The following KIFAP3 variants were observed in gnomAD, a reference collection of about 807,000 sequenced individuals.
KIFAP3 encodes the protein kinesin associated protein 3, also known as kinesin-associated protein 3.
A neutral mutation model predicts 106.5 loss-of-function variants in KIFAP3; 68 were observed. The ratio of observed to expected loss-of-function variants is 0.64; its 90% confidence interval spans 0.53 to 0.78. The LOEUF (loss-of-function observed/expected upper bound fraction) is 0.78, where lower values mean the gene tolerates loss of function less well. KIFAP3 is among the 30% of genes least tolerant of loss of function. The probability of loss-of-function intolerance (pLI) is 0.00; values close to 1 mark genes in which losing one functional copy is unlikely to be tolerated. For missense variants in KIFAP3, 780 were observed against 941.8 expected, an observed-to-expected ratio of 0.83 and a Z score of 2.25; for synonymous variants, 320 against 311.5, an observed-to-expected ratio of 1.03 and a Z score of -0.29.
chr1:170,049,269 C>G (rs1200238580), intron 2 of KIFAP3, among the ~76,000 whole-genome samples: 2 of 152,212 alleles, frequency 1.3e-5, no homozygotes, highest in East Asian at 1.9e-4. Context: ...GACTGCTTCT[C>G]TATATGCCTC....
At chr1:170,049,560 G>T (rs745322544) in intron 2 of KIFAP3, among the ~76,000 whole-genome samples, 47 of 152,318 alleles carry the variant, frequency 3.1e-4, no homozygotes, top group Admixed American at 5.9e-4. Flanking sequence ...CCCAACAGGG[G>T]TTGATAGACA....
At chr1:169,961,952 T>G (rs915373105) in intron 17 of KIFAP3, among the ~76,000 whole-genome samples, 3 of 152,150 alleles carry the variant, frequency 2.0e-5, no homozygotes, top group African/African-American at 7.2e-5. Flanking sequence ...TTTTCAACTG[T>G]GTAGGGGGAT....
At chr1:169,973,760 G>GA (rs1666068962) in intron 16 of KIFAP3, among the ~76,000 whole-genome samples, 1 of 151,568 alleles carries the variant, frequency 6.6e-6, no homozygotes, top group South Asian at 2.1e-4. Flanking sequence ...TTATTAAAGA[G>GA]AAAAAATAGT....
chr1:169,965,341 T>C (rs1197490364), intron 17 of KIFAP3, among the ~76,000 whole-genome samples: 2 of 150,654 alleles, frequency 1.3e-5, no homozygotes, highest in Non-Finnish European at 3.0e-5. Flanking sequence ...GATCTGATGA[T>C]TTCATTGTAA....
At position 170,031,882 on chromosome 1, in the gene KIFAP3, A is replaced by T. The variant is rs775416244; in HGVS notation, c.841+4T>A. ...TGCTTTCCTCATTGCTTAGGAATTC[A>T]TACCTCGTAATAGCTGTTCCTGTTT... On this transcript the variant is annotated splice_donor_region_variant and intron_variant, in intron 8 of 19. Transcript: ENST00000361580. 32 of 1,580,756 alleles carry T rather than the reference A, an allele frequency of 2.0e-5. No individual in the cohort carries two copies. The highest frequency in any genetic ancestry group is 1.7e-4 in the Middle Eastern group (1 of 6,008).
intron 3 of KIFAP3, among the ~76,000 whole-genome samples, chr1:170,042,435 G>A (rs1485373354): frequency 6.6e-6 from 1 of 152,124 alleles, no homozygotes; most frequent in African/African-American, 2.4e-5. Context: ...TGAGCAAAAG[G>A]TAAAAAATCA....
At chr1:169,934,397 C>A (rs573267139) in intron 19 of KIFAP3, among the ~76,000 whole-genome samples, 4 of 152,214 alleles carry the variant, frequency 2.6e-5, no homozygotes, top group African/African-American at 7.2e-5. Flanking sequence ...AGGGATGAAA[C>A]TTACTGACAG....
intron 1 of KIFAP3, among the ~76,000 whole-genome samples, chr1:170,063,700 T>C (rs943108483): frequency 6.6e-6 from 1 of 152,186 alleles, no homozygotes; most frequent in African/African-American, 2.4e-5. Context: ...TTTTATTCAG[T>C]TGGTTTACTG....
chr1:169,945,064 A>G (rs1464464634), intron 19 of KIFAP3, among the ~76,000 whole-genome samples: 2 of 151,966 alleles, frequency 1.3e-5, no homozygotes, highest in African/African-American at 4.8e-5. Context: ...AGCCCATACT[A>G]AGCCACCTTC....
chr1:170,041,973 G>T, intron 3 of KIFAP3: 1 of 715,826 alleles, frequency 1.4e-6, no homozygotes, highest in Non-Finnish European at 2.0e-6. Context: ...ACTTATCAGG[G>T]TCTCATGTCT....
At chr1:169,959,870 C>G (rs989335637) in intron 18 of KIFAP3, among the ~76,000 whole-genome samples, 2 of 152,042 alleles carry the variant, frequency 1.3e-5, no homozygotes, top group African/African-American at 2.4e-5. Context: ...CTAAGAAATT[C>G]TGTTTGGTTG....
Position 170,035,339 on chromosome 1 carries a change from T to C in KIFAP3, c.617+115A>G, listed in dbSNP as rs114822988. On this transcript the variant is annotated intron_variant, in intron 6 of 19. Coordinates refer to ENST00000361580, the MANE Select transcript of KIFAP3 (RefSeq NM_014970.4). ...GGAATAAGAATTCAGCAGTAGAGCA[T>C]AGGCAGACACACAGAAAAACTGAGA... is the stretch of plus-strand genomic sequence containing the variant. 2.3e-3 allele frequency: 1,348 copies of C among 578,598 alleles called. 3 individuals are homozygous for C. Among genetic ancestry groups the C allele is most frequent in the Non-Finnish European group, 1.8e-3 (594 of 332,100 alleles). The allele number at this position is 578,598 out of a possible 1,614,324, so 35.8% of individuals were successfully genotyped here. A position where few individuals can be genotyped will look rare whatever the true frequency, so the allele number is the denominator to read the frequency against.
At chr1:169,942,679 C>T (rs1462392836) in intron 19 of KIFAP3, among the ~76,000 whole-genome samples, 1 of 152,062 alleles carries the variant, frequency 6.6e-6, no homozygotes, top group South Asian at 2.1e-4. Context: ...CTATGTAACC[C>T]AAGATGTGAC....
chr1:169,963,776 G>C (rs559589823), intron 17 of KIFAP3, among the ~76,000 whole-genome samples: 1 of 152,266 alleles, frequency 6.6e-6, no homozygotes, highest in East Asian at 1.9e-4. Flanking sequence ...TTACAGGCGT[G>C]AGCCACCGTG....
rs939589242 is a variant in KIFAP3 at position 169,961,060 on chromosome 1, A to G, written c.2159T>C (p.Leu720Pro). 3 of 1,611,074 alleles carry G rather than the reference A, an allele frequency of 1.9e-6. No individual in the cohort carries two copies. Among genetic ancestry groups the G allele is most frequent in the Non-Finnish European group, 1.7e-6 (2 of 1,178,538 alleles). ...TTGGTTATCACCTGAGTTGTAGAAA[A>G]GGTCAGGTCTTTCGAGAATATCTCC... ...HEGDILERPD[L>P]FYNSDGLIAS... Residue 720 changes from leucine (L) to proline (P), a missense_variant, in exon 18 of 20, where the codon CTT becomes CCT. Physicochemically the swap from Leu to Pro is moderately conservative, Grantham distance 98. This residue lies in a region of KIFAP3 where 114 missense variants were observed against 122.3 expected (regional missense o/e 0.93). Transcript: ENST00000361580.
At chr1:170,028,062 CA>C (rs972327024) in intron 8 of KIFAP3, among the ~76,000 whole-genome samples, 3 of 151,894 alleles carry the variant, frequency 2.0e-5, no homozygotes, top group African/African-American at 7.3e-5. Context: ...GAAAATATTT[CA>C]AAAAGATAAA....
chr1:169,943,255 T>A (rs1435134578), intron 19 of KIFAP3, among the ~76,000 whole-genome samples: 1 of 152,144 alleles, frequency 6.6e-6, no homozygotes, highest in East Asian at 1.9e-4. Context: ...AAATTACATT[T>A]GAAAACCTGT....
At chr1:169,987,117 CA>C (rs1666865533) in intron 11 of KIFAP3, among the ~76,000 whole-genome samples, 1 of 152,024 alleles carries the variant, frequency 6.6e-6, no homozygotes, top group Non-Finnish European at 1.5e-5. Context: ...ATGTTTAGTT[CA>C]AACTCCACAT....
At chr1:170,004,184 C>T (rs1030140008) in intron 10 of KIFAP3, among the ~76,000 whole-genome samples, 22 of 150,694 alleles carry the variant, frequency 1.5e-4, no homozygotes, top group Admixed American at 3.3e-4. Context: ...GAACTACAAA[C>T]CACTGCTCAG....
Sources: gnomAD v4.1 joint callset for allele counts (sites outside exome capture counted in the v4.1 genomes callset) on GRCh38, gnomAD v4.1.1 for gene constraint, gnomAD v4.1.1 regional missense constraint, MANE v1.5 for transcripts, NCBI Gene and HGNC (gene_info 2026-07-23, HGNC 2026-07-21) for gene names.